Variants in HDAC9 observed in about 807,000 individuals in gnomAD.
HDAC9 encodes the protein MEF-2 interacting transcription repressor (MITR) protein.
In HDAC9, 41 loss-of-function variants were observed where a neutral mutation model predicts 139.4. The observed-to-expected ratio is 0.29, with a 90% confidence interval of 0.23 to 0.38. The LOEUF (loss-of-function observed/expected upper bound fraction) is 0.38. Among genes scored for constraint, HDAC9 ranks in the 10% least tolerant of loss-of-function variants. The pLI is 1.00. For synonymous variants in HDAC9, 517 were observed against 476.2 expected (o/e 1.09, Z -1.12); for missense variants, 1,147 against 1,297.0 (o/e 0.88, Z 1.78).
chr7:18,757,679 T>A (rs1789001701), intron 14 of HDAC9, among the ~76,000 whole-genome samples: 1 of 152,206 alleles, frequency 6.6e-6, no homozygotes, highest in East Asian at 1.9e-4. Context: ...GGAATAGAAC[T>A]GTTTCCTTTT....
intron 1 of HDAC9, among the ~76,000 whole-genome samples, chr7:18,482,096 C>A (rs1185609988): frequency 6.6e-6 from 1 of 151,902 alleles, no homozygotes. Flanking sequence ...CAGTCAGGAG[C>A]CTCTGTAACT....
chr7:18,495,555 A>G (rs959126671), upstream of HDAC9, among the ~76,000 whole-genome samples: 1 of 152,070 alleles, frequency 6.6e-6, no homozygotes, highest in African/African-American at 2.4e-5. Context: ...TAGAGGCTGG[A>G]CAGCTGGGTT....
intron 2 of HDAC9, among the ~76,000 whole-genome samples, chr7:18,278,257 C>T (rs946365998): frequency 4.6e-5 from 7 of 152,124 alleles, no homozygotes; most frequent in African/African-American, 1.2e-4. Context: ...CTTTAGAACA[C>T]GTCAAGAGAT....
chr7:18,561,676 G>A (rs1346239270), intron 2 of HDAC9, among the ~76,000 whole-genome samples: 1 of 151,860 alleles, frequency 6.6e-6, no homozygotes, highest in Non-Finnish European at 1.5e-5. Context: ...TTGGACATTT[G>A]ATATAAATGA....
At position 18,444,732 on chromosome 7, in the gene HDAC9, CAT is replaced by C. The variant is rs945507385; in HGVS notation, c.-41-51529_-41-51528del. On this transcript the variant is annotated intron_variant, in intron 1 of 3. Transcript: ENST00000413509. ...ATAAAAAAGTGCCAATGTTAAGATA[CAT>C]GTTTTGCACCAGAATATAAATTTTC... 3.3e-5 allele frequency among the ~76,000 whole-genome samples: 5 copies of C among 152,222 alleles called. 1 individual carries two copies. The highest frequency in any genetic ancestry group is 1.2e-4 in the African/African-American group (5 of 41,556).
At chr7:18,215,240 C>T (rs1311231659) in intron 2 of HDAC9, among the ~76,000 whole-genome samples, 1 of 151,928 alleles carries the variant, frequency 6.6e-6, no homozygotes, top group Admixed American at 6.6e-5. Context: ...CTGATACCTC[C>T]GTGGGCCAGT....
At chr7:18,675,730 C>G (rs1781461652) in intron 12 of HDAC9, among the ~76,000 whole-genome samples, 1 of 152,008 alleles carries the variant, frequency 6.6e-6, no homozygotes, top group Non-Finnish European at 1.5e-5. Context: ...GGAGGCTGCT[C>G]AGCCTCTCCT....
chr7:18,968,965 A>G (rs1230203552), intron 24 of HDAC9, among the ~76,000 whole-genome samples: 2 of 146,124 alleles, frequency 1.4e-5, no homozygotes, highest in Non-Finnish European at 3.1e-5. Flanking sequence ...TCTCAAAAAA[A>G]AAAAAAAAAA....
At chr7:18,528,575 T>G (rs945246070) in intron 2 of HDAC9, among the ~76,000 whole-genome samples, 2 of 152,150 alleles carry the variant, frequency 1.3e-5, no homozygotes, top group African/African-American at 4.8e-5. Flanking sequence ...TAAAAATTAC[T>G]TAGCAAACTC....
At chr7:18,187,861 G>A (rs1302851372) in intron 2 of HDAC9, among the ~76,000 whole-genome samples, 3 of 152,138 alleles carry the variant, frequency 2.0e-5, no homozygotes, top group Non-Finnish European at 4.4e-5. Context: ...CTTCTTCAGT[G>A]TGCTTCTTCC....
At chr7:18,640,586 T>C (rs1007722066) in intron 8 of HDAC9, among the ~76,000 whole-genome samples, 1 of 151,850 alleles carries the variant, frequency 6.6e-6, no homozygotes, top group African/African-American at 2.4e-5. Context: ...TTTTCCTTGC[T>C]CCTGGAGGCA....
chr7:18,567,666 C>T (rs978324024), intron 2 of HDAC9, among the ~76,000 whole-genome samples: 2 of 152,060 alleles, frequency 1.3e-5, no homozygotes, highest in African/African-American at 4.8e-5. Context: ...ATATCTGGAA[C>T]AACATTTGGG....
chr7:18,958,035 G>T (rs1195097352), intron 24 of HDAC9, among the ~76,000 whole-genome samples: 1 of 152,084 alleles, frequency 6.6e-6, no homozygotes, highest in East Asian at 1.9e-4. Flanking sequence ...CCCAGCTGAG[G>T]GTATGCAGGT....
intron 22 of HDAC9, among the ~76,000 whole-genome samples, chr7:18,877,919 G>T (rs1369978370): frequency 6.6e-6 from 1 of 152,038 alleles, no homozygotes; most frequent in Admixed American, 6.6e-5. Flanking sequence ...TCAACAATCT[G>T]AATTACTTAC....
At chr7:18,772,805 G>T (rs1790429131) in intron 16 of HDAC9, among the ~76,000 whole-genome samples, 1 of 152,052 alleles carries the variant, frequency 6.6e-6, no homozygotes, top group South Asian at 2.1e-4. Flanking sequence ...TGAGAATTTA[G>T]TTTCATGCTG....
intron 25 of HDAC9, among the ~76,000 whole-genome samples, chr7:18,980,556 A>C (rs931201919): frequency 6.4e-4 from 97 of 152,316 alleles, no homozygotes; most frequent in African/African-American, 2.2e-3. Context: ...AAGAACTTAA[A>C]ACAATACCTG....
At chr7:18,778,749 T>G (rs904770130) in intron 16 of HDAC9, among the ~76,000 whole-genome samples, 2 of 152,030 alleles carry the variant, frequency 1.3e-5, no homozygotes, top group African/African-American at 4.8e-5. Context: ...TAAGGATCCT[T>G]AGAGTCTCAA....
intron 1 of HDAC9, among the ~76,000 whole-genome samples, chr7:18,309,412 A>G (rs1411780093): frequency 6.6e-6 from 1 of 152,212 alleles, no homozygotes; most frequent in Non-Finnish European, 1.5e-5. Flanking sequence ...ATTTTGACAG[A>G]TGGGAAAATT....
intron 2 of HDAC9, among the ~76,000 whole-genome samples, chr7:18,256,149 G>A (rs76588705): frequency 0.016 from 2,484 of 152,004 alleles, 78 homozygotes; most frequent in African/African-American, 0.056. Context: ...TTTATGTTGC[G>A]TATCTGAGAT....
Sources: allele counts gnomAD v4.1 joint callset (sites outside exome capture counted in the v4.1 genomes callset), GRCh38; gene constraint gnomAD v4.1.1; transcripts MANE v1.5; gene names NCBI Gene and HGNC (gene_info 2026-07-23, HGNC 2026-07-21).